Variants in BMPR1B observed in about 807,000 individuals in gnomAD.
BMPR1B encodes the protein bone morphogenetic protein receptor type 1B.
BMPR1B carries 12 observed loss-of-function variants against 59.1 expected under a neutral mutation model. The ratio of observed to expected loss-of-function variants is 0.20; its 90% CI spans 0.13 to 0.33. BMPR1B has a LOEUF of 0.33. Ranked by LOEUF, BMPR1B falls within the 10% of genes least tolerant of loss-of-function variation. The pLI, the probability that BMPR1B is intolerant of heterozygous loss-of-function variation, is 1.00. For synonymous variants in BMPR1B, 237 were observed against 207.3 expected, an observed-to-expected ratio of 1.14 and a Z score of -1.23; for missense variants, 550 against 610.9, an observed-to-expected ratio of 0.90 and a Z score of 1.05.
rs148020193 is a variant in BMPR1B, at chr4:95,024,529, A to G, written c.-18+28395A>G. 7.7e-4 allele frequency among the ~76,000 whole-genome samples: 117 copies of G among 152,266 alleles called. 1 individual carries two copies. Among genetic ancestry groups the G allele is most frequent in the South Asian group, 3.7e-3 (18 of 4,826 alleles). On this transcript the variant is annotated intron_variant, in intron 3 of 12. Coordinates refer to ENST00000515059, the MANE Select transcript of BMPR1B (RefSeq NM_001203.3). Reference sequence around the variant, plus strand: ...TGTGAGAGTTACCTGACAAGGGCTTATTGTCACATCATAAATACAACATGA... The same window carrying G: ...TGTGAGAGTTACCTGACAAGGGCTTGTTGTCACATCATAAATACAACATGA...
chr4:95,032,141 A>T (rs1482540597), intron 3 of BMPR1B, among the ~76,000 whole-genome samples: 3 of 151,996 alleles, frequency 2.0e-5, no homozygotes, highest in Non-Finnish European at 4.4e-5. Flanking sequence ...AGTTCTGGGG[A>T]CTGGGAAATG....
intron 1 of BMPR1B, among the ~76,000 whole-genome samples, chr4:94,791,189 A>C (rs962627068): frequency 6.6e-6 from 1 of 152,116 alleles, no homozygotes; most frequent in African/African-American, 2.4e-5. Flanking sequence ...GGGTTTCACC[A>C]TGTTGGCCAG....
intron 2 of BMPR1B, among the ~76,000 whole-genome samples, chr4:94,977,898 A>C (rs1731090341): frequency 1.3e-5 from 2 of 152,202 alleles, no homozygotes; most frequent in Non-Finnish European, 2.9e-5. Context: ...TCTACTTGGA[A>C]ATATTCTTAG....
intron 1 of BMPR1B, among the ~76,000 whole-genome samples, chr4:94,860,790 A>G (rs1725947220): frequency 6.6e-6 from 1 of 151,288 alleles, no homozygotes; most frequent in Non-Finnish European, 1.5e-5. Context: ...GCATCCTACA[A>G]GAGGTTCTTG....
intron 1 of BMPR1B, among the ~76,000 whole-genome samples, chr4:94,769,766 A>T (rs1722102906): frequency 6.6e-6 from 1 of 152,246 alleles, no homozygotes; most frequent in Admixed American, 6.5e-5. Context: ...TGATGCCATC[A>T]GGGAATATCT....
intron 3 of BMPR1B, among the ~76,000 whole-genome samples, chr4:95,014,801 C>A (rs1247026533): frequency 5.9e-5 from 9 of 152,122 alleles, no homozygotes; most frequent in Non-Finnish European, 1.0e-4. Flanking sequence ...AAGATTCGGA[C>A]CTTTTTGAGA....
At chr4:94,899,791 C>T (rs554697864) in intron 2 of BMPR1B, among the ~76,000 whole-genome samples, 1 of 151,962 alleles carries the variant, frequency 6.6e-6, no homozygotes, top group Non-Finnish European at 1.5e-5. Flanking sequence ...AAAACTTTTC[C>T]TTTTGAAATG....
At chr4:95,146,895 C>T (rs1310824683) in intron 10 of BMPR1B, among the ~76,000 whole-genome samples, 3 of 152,188 alleles carry the variant, frequency 2.0e-5, no homozygotes, top group Non-Finnish European at 4.4e-5. Context: ...AGTCTCTTCT[C>T]AGCATACTTT....
chr4:94,862,864 C>G (rs1169393751), intron 1 of BMPR1B, among the ~76,000 whole-genome samples: 9 of 149,538 alleles, frequency 6.0e-5, no homozygotes, highest in African/African-American at 1.5e-4. Context: ...AGAATGGCGT[C>G]AACCCGGGAG....
chr4:94,789,884 A>C (rs1722909372), intron 1 of BMPR1B, among the ~76,000 whole-genome samples: 1 of 151,962 alleles, frequency 6.6e-6, no homozygotes, highest in African/African-American at 2.4e-5. Context: ...TGCCTCTGTC[A>C]CCCCTGAGAC....
intron 1 of BMPR1B, among the ~76,000 whole-genome samples, chr4:94,766,241 T>C (rs1282378044): frequency 6.6e-6 from 1 of 152,060 alleles, no homozygotes; most frequent in Non-Finnish European, 1.5e-5. Flanking sequence ...CCTGTGTATA[T>C]CATTGGATTT....
At chr4:94,805,376 C>A (rs1435026983) in intron 1 of BMPR1B, among the ~76,000 whole-genome samples, 2 of 152,068 alleles carry the variant, frequency 1.3e-5, no homozygotes, top group African/African-American at 2.4e-5. Flanking sequence ...TGTTAAATTC[C>A]ATTGTCTTTA....
intron 2 of BMPR1B, among the ~76,000 whole-genome samples, chr4:94,970,260 T>C (rs1452097140): frequency 9.6e-6 from 1 of 103,970 alleles, no homozygotes; most frequent in Non-Finnish European, 2.1e-5. Flanking sequence ...TCTTCTCTTC[T>C]CTTCTCTTCT....
At chr4:94,770,094 C>CT (rs1722115482) in intron 1 of BMPR1B, among the ~76,000 whole-genome samples, 1 of 150,874 alleles carries the variant, frequency 6.6e-6, no homozygotes, top group African/African-American at 2.5e-5. Context: ...ACAGAGAATG[C>CT]TGATCTTTGT....
intron 8 of BMPR1B, among the ~76,000 whole-genome samples, chr4:95,127,237 G>A (rs1261217211): frequency 6.6e-6 from 1 of 152,028 alleles, no homozygotes. Context: ...TAAAAAGTTG[G>A]TATCTAAGAA....
chr4:94,821,764 G>T (rs1724219120), intron 1 of BMPR1B, among the ~76,000 whole-genome samples: 1 of 152,180 alleles, frequency 6.6e-6, no homozygotes, highest in African/African-American at 2.4e-5. Context: ...ATGCTTTCTT[G>T]TTGAAGTCTG....
intron 2 of BMPR1B, among the ~76,000 whole-genome samples, chr4:94,887,403 C>CAA (rs57818132): frequency 0.074 from 4,034 of 54,604 alleles, 242 homozygotes; most frequent in African/African-American, 0.11. Context: ...CACCCCCCAC[C>CAA]AAAAAAAAAA....
At chr4:94,934,194 G>C (rs3775028) in intron 2 of BMPR1B, among the ~76,000 whole-genome samples, 6,605 of 152,232 alleles carry the variant, frequency 0.043, 263 homozygotes, top group African/African-American at 0.1. Flanking sequence ...ATACTTCAGA[G>C]ATTCATCATA....
rs1329711269 is a variant in BMPR1B at position 94,802,714 on chromosome 4, A to T, written c.-183+44646A>T. ...CAGAGAAAAGTGTATTATTTTGTGT[A>T]TAATTGATCTGGACTTTCTAATAAG... On this transcript the variant is annotated intron_variant, in intron 1 of 12. Transcript: ENST00000515059. Among the ~76,000 whole-genome samples, 3 of 152,200 alleles carry T rather than the reference A, an allele frequency of 2.0e-5. No individual in the cohort carries two copies. The East Asian group carries it at 5.8e-4, about 29-fold the overall frequency.
Sources: gnomAD v4.1 joint callset for allele counts (sites outside exome capture counted in the v4.1 genomes callset) on GRCh38, gnomAD v4.1.1 for gene constraint, MANE v1.5 for transcripts, NCBI Gene and HGNC (gene_info 2026-07-23, HGNC 2026-07-21) for gene names.